Variants in DGKI observed in about 807,000 individuals in gnomAD.
DGKI encodes DAG kinase iota.
Under a neutral mutation model 147.5 loss-of-function variants are expected in DGKI, and 55 were observed. The ratio of observed to expected loss-of-function variants is 0.37; its 90% CI spans 0.30 to 0.47. The LOEUF is 0.47. DGKI is among the 20% of genes least tolerant of loss of function. The pLI, the probability that DGKI is intolerant of heterozygous loss-of-function variation, is 1.00. For synonymous variants in DGKI, 469 were observed against 477.1 expected, an observed-to-expected ratio of 0.98 and a Z score of 0.22; for missense variants, 1,007 against 1,323.8, an observed-to-expected ratio of 0.76 and a Z score of 3.71.
intron 8 of DGKI, 81 bp downstream of exon 8, chr7:137,619,743 A>G (rs770834057): frequency 9.5e-6 from 10 of 1,055,620 alleles, no homozygotes; most frequent in Non-Finnish European, 1.5e-5. Context: ...GAACCCAAAG[A>G]CTAGTCTGGG....
At chr7:137,837,787 G>C (rs751472963) in intron 1 of DGKI, among the ~76,000 whole-genome samples, 10 of 152,090 alleles carry the variant, frequency 6.6e-5, no homozygotes, top group Non-Finnish European at 1.3e-4. Flanking sequence ...AAGCCGCCCA[G>C]TCTATGGGAC....
chr7:137,507,373 C>G (rs1816402915), intron 21 of DGKI, among the ~76,000 whole-genome samples: 2 of 152,142 alleles, frequency 1.3e-5, no homozygotes, highest in Admixed American at 1.3e-4. Context: ...TTTCTGAGTG[C>G]TTTCCAGAAA....
rs1271394765 is a variant in DGKI at position 137,587,109 on chromosome 7, G to A, written c.1413C>T (p.Leu471=). ...LGTGNDLART[L]NWGGGYTDEP... ...GAGCAGTTCTTACCCCTCCCCAGTT[G>A]AGAGTTCGAGCCAGGTCATTCCCAG... Residue 471 remains leucine (L), a synonymous_variant, in exon 13 of 33, where the codon CTC becomes CTT. Coordinates refer to ENST00000614521, the MANE Select transcript of DGKI (RefSeq NM_001321708.2). 1.2e-6 allele frequency: 2 copies of A among 1,603,332 alleles called. No individual in the cohort carries two copies. The highest frequency in any genetic ancestry group is 2.2e-5 in the East Asian group (1 of 44,498).
At chr7:137,709,703 T>G (rs1035469457) in intron 1 of DGKI, among the ~76,000 whole-genome samples, 3 of 152,090 alleles carry the variant, frequency 2.0e-5, no homozygotes, top group African/African-American at 7.2e-5. Flanking sequence ...CATGAAATCC[T>G]CATCAAAAAT....
At chr7:137,493,295 C>T (rs571991862) in intron 21 of DGKI, among the ~76,000 whole-genome samples, 1 of 152,340 alleles carries the variant, frequency 6.6e-6, no homozygotes, top group South Asian at 2.1e-4. Flanking sequence ...ATTACTGCCA[C>T]TTGCAAATGC....
chr7:137,395,399 G>A (rs1470400965), intron 32 of DGKI, among the ~76,000 whole-genome samples, 199 bp downstream of exon 32: 1 of 152,352 alleles, frequency 6.6e-6, no homozygotes, highest in East Asian at 1.9e-4. Flanking sequence ...CCATAGGCAA[G>A]CACACGCCCT....
In DGKI at chr7:137,388,858, C is replaced by T. The variant is rs1325384786; in HGVS notation, c.*2362G>A. ...CAAATGCATCAGGAATCTTACAGTA[C>T]CAACTCATCATTTTTCATAACACAG... On this transcript the variant is annotated 3_prime_UTR_variant, in exon 33 of 33. Coordinates refer to ENST00000614521, the MANE Select transcript of DGKI (RefSeq NM_001321708.2). 1 of 151,218 alleles carries T rather than the reference C, an allele frequency of 6.6e-6. No individual in the cohort carries two copies. Among genetic ancestry groups the T allele is most frequent in the Non-Finnish European group, 1.5e-5 (1 of 67,902 alleles). 9.4% of individuals were successfully genotyped at this position (151,218 alleles called of 1,614,324 possible).
intron 1 of DGKI, among the ~76,000 whole-genome samples, chr7:137,734,378 A>G (rs558461771): frequency 1.2e-4 from 18 of 152,146 alleles, no homozygotes; most frequent in African/African-American, 3.1e-4. Flanking sequence ...ACTAAAAATA[A>G]CATTTATTAT....
At chr7:137,392,575 G>C (rs886863154) in intron 32 of DGKI, among the ~76,000 whole-genome samples, 1 of 152,138 alleles carries the variant, frequency 6.6e-6, no homozygotes, top group Admixed American at 6.5e-5. Context: ...ACTGGGGAGA[G>C]GACAAAAGGG....
rs748953973 is a variant in DGKI at position 137,463,544 on chromosome 7, C to T, written c.2680G>A (p.Ala894Thr). Reference sequence around the variant, plus strand: ...AGATCTGAGTCCTCATAATAGGGAGCTATCATCCCCAGCCCACTGTCACTC... The same window carrying T: ...AGATCTGAGTCCTCATAATAGGGAGTTATCATCCCCAGCCCACTGTCACTC... The part of the protein sequence containing the change: ...MLSDSGLGMI[A>T]PYYEDSDLKD... The change falls in exon 27 of 33, where the codon GCT becomes ACT. Residue 894 changes from alanine to threonine, a missense_variant. Coordinates refer to ENST00000614521, the MANE Select transcript of DGKI (RefSeq NM_001321708.2). 3.1e-5 allele frequency: 50 copies of T among 1,614,030 alleles called. No homozygotes were observed. The highest frequency in any genetic ancestry group is 2.8e-5 in the Non-Finnish European group (33 of 1,180,034).
At chr7:137,623,847 ATGT>A (rs1820838352) in intron 6 of DGKI, among the ~76,000 whole-genome samples, 1 of 152,312 alleles carries the variant, frequency 6.6e-6, no homozygotes, top group South Asian at 2.1e-4. Flanking sequence ...GAAAAAATAA[ATGT>A]TGTTCTGATA....
At chr7:137,711,643 T>C (rs1032765795) in intron 1 of DGKI, among the ~76,000 whole-genome samples, 4 of 151,044 alleles carry the variant, frequency 2.6e-5, no homozygotes, top group African/African-American at 9.7e-5. Context: ...GGTTAATCTC[T>C]ATATATCTTG....
chr7:137,585,065 T>C (rs1359892255), intron 14 of DGKI, 144 bp downstream of exon 14: 2 of 888,934 alleles, frequency 2.2e-6, no homozygotes, highest in East Asian at 2.5e-5. Context: ...ATTATACACA[T>C]AGCCCCAGTA....
At chr7:137,551,437 C>G (rs1248934380) in intron 20 of DGKI, among the ~76,000 whole-genome samples, 1 of 152,300 alleles carries the variant, frequency 6.6e-6, no homozygotes, top group East Asian at 1.9e-4. Flanking sequence ...AAGCCAGCCA[C>G]TCAGTGCAAA....
At chr7:137,541,267 G>A (rs1170640989) in intron 20 of DGKI, among the ~76,000 whole-genome samples, 3 of 152,184 alleles carry the variant, frequency 2.0e-5, no homozygotes, top group Non-Finnish European at 4.4e-5. Flanking sequence ...GCATGTGCGT[G>A]TGTGTGTATA....
intron 3 of DGKI, among the ~76,000 whole-genome samples, chr7:137,672,587 G>T (rs939028570): frequency 1.3e-5 from 2 of 152,072 alleles, no homozygotes; most frequent in African/African-American, 4.8e-5. Flanking sequence ...CTGAAATCAA[G>T]GTTTCAACAA....
Position 137,846,788 on chromosome 7 carries a change from G to C in DGKI, c.75C>G (p.Ala25=). The change falls in exon 1 of 33, where the codon GCC becomes GCG. Residue 25 remains alanine, a synonymous_variant. Transcript: ENST00000614521. This position sits in a 1 kb window ranked among gnomAD's most constrained non-coding sequence, Gnocchi z 4.0. ...AARGPARAPA[A]AAAAAASPPG... ...GCGGGCTGGCGGCGGCGGCGGCGGCGGCTGCAGGAGCGCGGGCAGGTCCGC... is the reference window on the plus strand; with the variant it reads ...GCGGGCTGGCGGCGGCGGCGGCGGCCGCTGCAGGAGCGCGGGCAGGTCCGC... The C allele has an allele frequency of 9.1e-7, 1 of 1,098,772 alleles. No homozygotes were observed. Among genetic ancestry groups the C allele is most frequent in the Non-Finnish European group, 1.1e-6 (1 of 903,818 alleles). The allele number at this position is 1,098,772 out of a possible 1,614,324, so 68.1% of individuals were successfully genotyped here.
chr7:137,499,204 A>G (rs1816082150), intron 21 of DGKI, among the ~76,000 whole-genome samples: 1 of 152,210 alleles, frequency 6.6e-6, no homozygotes, highest in Non-Finnish European at 1.5e-5. Context: ...GGCAAATACA[A>G]CGAGTAAAGT....
intron 13 of DGKI, among the ~76,000 whole-genome samples, chr7:137,586,097 G>T (rs1248519101): frequency 6.6e-6 from 1 of 152,100 alleles, no homozygotes; most frequent in African/African-American, 2.4e-5. Context: ...TTTTCACAGA[G>T]CCCAGCCCAT....
Sources: gnomAD v4.1 joint callset for allele counts (sites outside exome capture counted in the v4.1 genomes callset) on GRCh38, gnomAD v4.1.1 for gene constraint, Gnocchi (gnomAD v3.1) non-coding constraint, MANE v1.5 for transcripts, NCBI Gene and HGNC (gene_info 2026-07-23, HGNC 2026-07-21) for gene names.